The following ONECUT1 variants were observed in gnomAD, a reference collection of about 807,000 sequenced individuals.
ONECUT1 encodes one cut homeobox 1, also known as hepatocyte nuclear factor 6.
A neutral mutation model predicts 25.6 loss-of-function variants in ONECUT1; 12 were observed. That is an observed-to-expected ratio of 0.47 (90% CI 0.30 to 0.76). The LOEUF (loss-of-function observed/expected upper bound fraction) is 0.76, where lower values mean the gene tolerates loss of function less well. ONECUT1 is among the 30% of genes least tolerant of loss of function. The pLI is 0.07. For missense variants in ONECUT1, 620 were observed against 651.2 expected (o/e 0.95, Z 0.52); for synonymous variants, 285 against 270.2 (o/e 1.05, Z -0.54).
In ONECUT1 at chr15:52,783,355, G is replaced by C. The variant is rs140372473; in HGVS notation, c.1105+5425C>G. 7.8e-3 allele frequency among the ~76,000 whole-genome samples: 1,186 copies of C among 152,362 alleles called. 20 individuals are homozygous for C. Among genetic ancestry groups the C allele is most frequent in the African/African-American group, 0.025 (1,058 of 41,588 alleles). ...TCTTTTCGATTACCTCAGTGTGCCA[G>C]TGTATATTCCCGGCTGGGCCTAGCG... is the stretch of plus-strand genomic sequence containing the variant. On this transcript the variant is annotated intron_variant, in intron 1 of 1. Coordinates refer to ENST00000305901, the MANE Select transcript of ONECUT1 (RefSeq NM_004498.4).
At chr15:52,777,215 T>C (rs888046607) in intron 1 of ONECUT1, among the ~76,000 whole-genome samples, 2 of 152,208 alleles carry the variant, frequency 1.3e-5, no homozygotes, top group African/African-American at 2.4e-5. Context: ...TACAGAGCTA[T>C]AGGTTATTCC....
chr15:52,788,715 T>G lies in ONECUT1; in HGVS notation c.1105+65A>C. 1 of 1,525,804 alleles carries G rather than the reference T, an allele frequency of 6.6e-7. No individual in the cohort carries two copies. The highest frequency in any genetic ancestry group is 8.8e-7 in the Non-Finnish European group (1 of 1,130,798). The allele number at this position is 1,525,804 out of a possible 1,614,324, so 94.5% of individuals were successfully genotyped here. A position where few individuals can be genotyped will look rare whatever the true frequency, so the allele number is the denominator to read the frequency against. On this transcript the variant is annotated intron_variant, in intron 1 of 1. Transcript: ENST00000305901. This position sits in a 1 kb window ranked among gnomAD's most constrained non-coding sequence, Gnocchi z 4.3. ...ACCCAGCCCTCTCTCCTACCCTTCCTCCTTTGGTCCCTTCGGCTTTCGTGT... is the reference window on the plus strand; with the variant it reads ...ACCCAGCCCTCTCTCCTACCCTTCCGCCTTTGGTCCCTTCGGCTTTCGTGT...
At chr15:52,787,107 A>G (rs951522302) in intron 1 of ONECUT1, 1 of 152,318 alleles carries the variant, frequency 6.6e-6, no homozygotes, top group African/African-American at 2.4e-5. Flanking sequence ...GGGTGGAGAT[A>G]TGGTGCCGGT....
intron 1 of ONECUT1, among the ~76,000 whole-genome samples, chr15:52,778,615 C>T (rs969744501): frequency 1.3e-5 from 2 of 152,166 alleles, no homozygotes; most frequent in South Asian, 2.1e-4. Context: ...AGAACACAAG[C>T]AATGGAATCT....
At chr15:52,766,250 T>G (rs982815108) in intron 1 of ONECUT1, among the ~76,000 whole-genome samples, 1 of 144,452 alleles carries the variant, frequency 6.9e-6, no homozygotes, top group East Asian at 2.1e-4. Flanking sequence ...TTTTTTTTTT[T>G]GTAGGTGAAA....
At chr15:52,779,739 G>A (rs937233827) in intron 1 of ONECUT1, among the ~76,000 whole-genome samples, 2 of 152,132 alleles carry the variant, frequency 1.3e-5, no homozygotes, top group Non-Finnish European at 2.9e-5. Context: ...AAGACTCTGG[G>A]AACGATCTAT....
chr15:52,780,745 G>C, intron 1 of ONECUT1: 2 of 1,467,124 alleles, frequency 1.4e-6, no homozygotes. Flanking sequence ...CCATTGATCT[G>C]TTTTAGAAGA....
chr15:52,786,717 G>A (rs2083877482), intron 1 of ONECUT1, among the ~76,000 whole-genome samples: 1 of 152,186 alleles, frequency 6.6e-6, no homozygotes, highest in Admixed American at 6.5e-5. Flanking sequence ...CGCTCCTGCG[G>A]CCAGGTTTCC....
At chr15:52,786,843 G>T (rs2083878447) in intron 1 of ONECUT1, among the ~76,000 whole-genome samples, 1 of 152,110 alleles carries the variant, frequency 6.6e-6, no homozygotes, top group African/African-American at 2.4e-5. Flanking sequence ...CCAGGGGGCG[G>T]GGGTGGGGGA....
chr15:52,786,300 T>C (rs1345412062), intron 1 of ONECUT1, among the ~76,000 whole-genome samples: 2 of 152,266 alleles, frequency 1.3e-5, no homozygotes, highest in Admixed American at 1.3e-4. Context: ...TCCTGGTTCC[T>C]TGCAGGAGAC....
At position 52,756,481 on chromosome 15, in the gene ONECUT1, A is replaced by G. The variant is rs1359940395; in HGVS notation, c.*1074T>C. ...CTGTTAAATTTAGTTTTCTAGTGTA[A>G]AAATGGGGTACTACTTTGGAAAGAT... On this transcript the variant is annotated 3_prime_UTR_variant, in exon 2 of 2. Transcript: ENST00000305901. Among the ~76,000 whole-genome samples the G allele has an allele frequency of 6.6e-6, 1 of 152,176 alleles. No homozygotes were observed. The highest frequency in any genetic ancestry group is 1.9e-4 in the East Asian group (1 of 5,200).
chr15:52,774,354 G>A (rs1425977901), intron 1 of ONECUT1, among the ~76,000 whole-genome samples: 1 of 151,850 alleles, frequency 6.6e-6, no homozygotes, highest in East Asian at 1.9e-4. Context: ...AAGCTGGAGT[G>A]CAATGGCTTG....
chr15:52,785,529 C>T (rs1232310828), intron 1 of ONECUT1, among the ~76,000 whole-genome samples: 1 of 152,250 alleles, frequency 6.6e-6, no homozygotes, highest in Non-Finnish European at 1.5e-5. Context: ...CCGCCTTCCC[C>T]TGGGTCCGCG....
In ONECUT1 at chr15:52,755,882, AT is replaced by A. The variant is rs149746818; in HGVS notation, c.*1672del. On this transcript the variant is annotated 3_prime_UTR_variant, in exon 2 of 2. Transcript: ENST00000305901. ...ACTGGGGTACCACTAATACGACTTC[AT>A]TTTTTTTTTGACTTTGACTTCTACA... Among the ~76,000 whole-genome samples, 529 of 149,680 alleles carry A rather than the reference AT, an allele frequency of 3.5e-3. 2 individuals are homozygous for A. The highest frequency in any genetic ancestry group is 0.012 in the African/African-American group (505 of 40,920).
At chr15:52,771,957 T>G (rs77142288) in intron 1 of ONECUT1, among the ~76,000 whole-genome samples, 1 of 152,188 alleles carries the variant, frequency 6.6e-6, no homozygotes, top group Admixed American at 6.5e-5. Context: ...AGGTAATTCC[T>G]GTGAGTTCAG....
intron 1 of ONECUT1, among the ~76,000 whole-genome samples, chr15:52,758,208 T>G (rs1359497422): frequency 6.6e-6 from 1 of 152,190 alleles, no homozygotes; most frequent in African/African-American, 2.4e-5. Context: ...AAAATGCATA[T>G]AAGAATACCT....
chr15:52,789,057 G>T lies in ONECUT1; in HGVS notation c.828C>A (p.Thr276=), dbSNP rs372692973. The part of the protein sequence containing the change: ...GTAREPNPSV[T]GAQVSNGSNS... ...TACTTCCATTGCTGACCTGCGCGCC[G>T]GTCACCGAAGGGTTGGGCTCCCGGG... Residue 276 remains threonine (T), a synonymous_variant, in exon 1 of 2, where the codon ACC becomes ACA. Transcript: ENST00000305901. The surrounding 1 kb of genome is among the most constrained non-coding windows in gnomAD (Gnocchi z 4.1). 1.2e-6 allele frequency: 2 copies of T among 1,602,964 alleles called. No homozygotes were observed. The highest frequency in any genetic ancestry group is 1.7e-6 in the Non-Finnish European group (2 of 1,179,958).
intron 1 of ONECUT1, among the ~76,000 whole-genome samples, chr15:52,778,172 C>T (rs2083816601): frequency 6.6e-6 from 1 of 152,160 alleles, no homozygotes; most frequent in African/African-American, 2.4e-5. Flanking sequence ...ATCTATGAGT[C>T]CACCACTCAA....
chr15:52,760,426 A>G (rs1307156681), intron 1 of ONECUT1, among the ~76,000 whole-genome samples: 1 of 152,272 alleles, frequency 6.6e-6, no homozygotes, highest in Non-Finnish European at 1.5e-5. Context: ...AAAAATGAAT[A>G]CAACACAGGT....
Sources: gnomAD v4.1 joint callset for allele counts (sites outside exome capture counted in the v4.1 genomes callset) on GRCh38, gnomAD v4.1.1 for gene constraint, Gnocchi (gnomAD v3.1) non-coding constraint, MANE v1.5 for transcripts, NCBI Gene and HGNC (gene_info 2026-07-23, HGNC 2026-07-21) for gene names.